Variants in SEMA3D observed in about 807,000 individuals in gnomAD.
SEMA3D encodes the protein semaphorin-3D.
In SEMA3D, 84 loss-of-function variants were observed where a neutral mutation model predicts 100.1. The ratio of observed to expected loss-of-function variants is 0.84; its 90% CI spans 0.70 to 1.01. SEMA3D has a LOEUF of 1.01. SEMA3D is among the 50% of genes least tolerant of loss of function. The probability of loss-of-function intolerance (pLI) is 0.00; values close to 1 mark genes in which losing one functional copy is unlikely to be tolerated. For synonymous variants in SEMA3D, 312 were observed against 320.7 expected, an observed-to-expected ratio of 0.97 and a Z score of 0.29; for missense variants, 875 against 934.1, an observed-to-expected ratio of 0.94 and a Z score of 0.82.
chr7:85,198,716 G>C, the SEMA3D span, among the ~76,000 whole-genome samples: 16 of 149,912 alleles, frequency 1.1e-4, no homozygotes, highest in Middle Eastern at 4.3e-3. Flanking sequence ...GTTTTAATTT[G>C]GTTATCTAAT....
intron 3 of SEMA3D, among the ~76,000 whole-genome samples, chr7:85,111,864 C>G (rs960260830): frequency 4.6e-5 from 7 of 152,028 alleles, no homozygotes; most frequent in African/African-American, 1.4e-4. Context: ...CTTACACATG[C>G]CAGACACACT....
At chr7:85,123,476 G>A (rs1160203573) in intron 2 of SEMA3D, among the ~76,000 whole-genome samples, 1 of 152,126 alleles carries the variant, frequency 6.6e-6, no homozygotes, top group Non-Finnish European at 1.5e-5. Context: ...TTTCTTAAGT[G>A]AGATCAGCTC....
intron 4 of SEMA3D, among the ~76,000 whole-genome samples, chr7:85,087,428 C>T (rs150877019): frequency 1.2e-4 from 19 of 152,250 alleles, no homozygotes; most frequent in African/African-American, 4.6e-4. Flanking sequence ...TGCTGTCTAC[C>T]CACGTGCAGG....
intron 12 of SEMA3D, among the ~76,000 whole-genome samples, chr7:85,032,796 C>A (rs1790582455): frequency 6.6e-6 from 1 of 151,954 alleles, no homozygotes; most frequent in South Asian, 2.1e-4. Context: ...TTGACAGTAA[C>A]TGGCATGTTT....
At chr7:85,233,615 C>T in the SEMA3D span, among the ~76,000 whole-genome samples, 2 of 152,148 alleles carry the variant, frequency 1.3e-5, no homozygotes, top group African/African-American at 4.8e-5. Context: ...TCCTGCCCTC[C>T]CGTACTTTGT....
At chr7:85,129,117 C>T (rs1372029089) in intron 2 of SEMA3D, among the ~76,000 whole-genome samples, 1 of 151,818 alleles carries the variant, frequency 6.6e-6, no homozygotes. Context: ...TCTTGAACTC[C>T]TGGCCTCAAG....
the SEMA3D span, among the ~76,000 whole-genome samples, chr7:85,214,778 G>C: frequency 1.3e-5 from 2 of 152,094 alleles, no homozygotes; most frequent in African/African-American, 2.4e-5. Context: ...TTACAGGCGT[G>C]AGCCACCGTG....
chr7:85,202,263 G>A, the SEMA3D span, among the ~76,000 whole-genome samples: 2 of 133,236 alleles, frequency 1.5e-5, no homozygotes, highest in Non-Finnish European at 3.0e-5. Flanking sequence ...CTGTGTCCAT[G>A]TGATCTCATT....
chr7:85,136,390 A>T (rs1789869393), intron 2 of SEMA3D, among the ~76,000 whole-genome samples: 1 of 152,144 alleles, frequency 6.6e-6, no homozygotes. Flanking sequence ...TCCAGGGATT[A>T]TCATAAGCAT....
At chr7:85,119,875 T>G (rs2116397459) in intron 3 of SEMA3D, among the ~76,000 whole-genome samples, 1 of 152,110 alleles carries the variant, frequency 6.6e-6, no homozygotes, top group South Asian at 2.1e-4. Flanking sequence ...CTCCTTGACC[T>G]CCAATATTTC....
intron 3 of SEMA3D, among the ~76,000 whole-genome samples, chr7:85,099,318 T>C (rs1299764217): frequency 6.6e-6 from 1 of 151,904 alleles, no homozygotes; most frequent in Admixed American, 6.6e-5. Context: ...TCATGAGAGC[T>C]GATGGTTTTA....
intron 9 of SEMA3D, among the ~76,000 whole-genome samples, chr7:85,044,727 A>G (rs1168796092): frequency 6.6e-6 from 1 of 152,122 alleles, no homozygotes; most frequent in Non-Finnish European, 1.5e-5. Context: ...TACATAATAG[A>G]TACACAGTAG....
In SEMA3D at chr7:85,095,447, C is replaced by T. The variant is rs1046904869; in HGVS notation, c.312+2358G>A. 2.6e-5 allele frequency among the ~76,000 whole-genome samples: 4 copies of T among 151,796 alleles called. No individual in the cohort carries two copies. The South Asian group carries it at 8.3e-4, about 31-fold the overall frequency. ...AAAAATCCCAACCAGTCACTGATAA[C>T]TCAATTATATGTTGTAGATTGCTTT... On this transcript the variant is annotated intron_variant, in intron 4 of 18. Transcript: ENST00000284136.
chr7:85,212,105 G>A, the SEMA3D span, among the ~76,000 whole-genome samples: 2 of 152,046 alleles, frequency 1.3e-5, no homozygotes, highest in Non-Finnish European at 2.9e-5. Context: ...GGATAGTCAT[G>A]GAGAAGCATG....
chr7:85,198,844 T>TTTC, the SEMA3D span, among the ~76,000 whole-genome samples: 2 of 150,784 alleles, frequency 1.3e-5, no homozygotes, highest in Non-Finnish European at 3.0e-5. Flanking sequence ...TTTTTTTTTT[T>TTTC]CAAGGGTTTT....
At chr7:85,099,333 G>A (rs563999513) in intron 3 of SEMA3D, among the ~76,000 whole-genome samples, 7 of 151,902 alleles carry the variant, frequency 4.6e-5, no homozygotes, top group African/African-American at 1.7e-4. Context: ...GTTTTATAAG[G>A]GGAAACCCCT....
chr7:85,088,478 T>C (rs1037067684), intron 4 of SEMA3D, among the ~76,000 whole-genome samples: 2 of 152,278 alleles, frequency 1.3e-5, no homozygotes, highest in Non-Finnish European at 2.9e-5. Context: ...CTTGAGATAG[T>C]GGCCATCTCT....
chr7:85,135,656 A>ACAAT (rs1554346990), intron 2 of SEMA3D, among the ~76,000 whole-genome samples: 1 of 147,494 alleles, frequency 6.8e-6, no homozygotes, highest in African/African-American at 2.5e-5. Flanking sequence ...TAAGTATAAT[A>ACAAT]AAATAAATAA....
chr7:85,228,228 T>A, the SEMA3D span, among the ~76,000 whole-genome samples: 43 of 152,252 alleles, frequency 2.8e-4, no homozygotes, highest in Non-Finnish European at 5.1e-4. Context: ...AACATCTGCA[T>A]GAAAAGCCAG....
Sources: gnomAD v4.1 joint callset for allele counts (sites outside exome capture counted in the v4.1 genomes callset) on GRCh38, gnomAD v4.1.1 for gene constraint, MANE v1.5 for transcripts, NCBI Gene and HGNC (gene_info 2026-07-23, HGNC 2026-07-21) for gene names.